The following SV2B variants were observed in gnomAD, a reference collection of about 807,000 sequenced individuals.
SV2B encodes the protein synaptic vesicle glycoprotein 2B.
A neutral mutation model predicts 73.9 loss-of-function variants in SV2B; 41 were observed. The observed-to-expected ratio is 0.56, with a 90% CI of 0.43 to 0.72. The LOEUF is 0.72. SV2B is among the 30% of genes least tolerant of loss of function. The pLI is 0.00. For synonymous variants in SV2B, 314 were observed against 314.2 expected (o/e 1.00, Z 0.01); for missense variants, 764 against 857.8 (o/e 0.89, Z 1.37).
intron 1 of SV2B, among the ~76,000 whole-genome samples, chr15:91,208,053 C>T (rs2045709575): frequency 6.6e-6 from 1 of 152,088 alleles, no homozygotes; most frequent in African/African-American, 2.4e-5. Flanking sequence ...AGAGGCCTTC[C>T]TACTTCTGCT....
At position 91,128,490 on chromosome 15, in the gene SV2B, G is replaced by T. The variant is rs2042551334; in HGVS notation, c.-392+28127G>T. Among the ~76,000 whole-genome samples, 1 of 152,082 alleles carries T rather than the reference G, an allele frequency of 6.6e-6. No individual in the cohort carries two copies. Among genetic ancestry groups the T allele is most frequent in the African/African-American group, 2.4e-5 (1 of 41,396 alleles). ...CAGAAAACAATATCCAAAAATGAAG[G>T]CCTCAGAAGCGAAAGTGTTTTTCTC... On this transcript the variant is annotated intron_variant, in intron 1 of 12. Transcript: ENST00000394232. The surrounding 1 kb of genome is among the most constrained non-coding windows in gnomAD (Gnocchi z 4.2).
At position 91,218,377 on chromosome 15, in the gene SV2B, C is replaced by T. The variant is rs145296082; in HGVS notation, c.-391-7496C>T. Among the ~76,000 whole-genome samples the T allele has an allele frequency of 4.6e-5, 7 of 152,234 alleles. No individual in the cohort carries two copies. In the East Asian group the frequency reaches 1.4e-3, roughly 29 times the overall value. ...TTTATGACCTACTTTAGAGGAAAGTCAGAACACATTTTTACAATCTGCTTC... is the reference window on the plus strand; with the variant it reads ...TTTATGACCTACTTTAGAGGAAAGTTAGAACACATTTTTACAATCTGCTTC... On this transcript the variant is annotated intron_variant, in intron 1 of 12. Coordinates refer to ENST00000394232, the MANE Select transcript of SV2B (RefSeq NM_001323032.3).
At chr15:91,269,140 G>T (rs1468914851) in intron 9 of SV2B, among the ~76,000 whole-genome samples, 2 of 151,866 alleles carry the variant, frequency 1.3e-5, no homozygotes, top group Non-Finnish European at 2.9e-5. Flanking sequence ...GATTAGAAAA[G>T]TCCTGTTCAC....
At position 91,263,427 on chromosome 15, in the gene SV2B, GAC is replaced by G. The variant is rs533926770; in HGVS notation, c.1008+3024_1008+3025del. Among the ~76,000 whole-genome samples the G allele has an allele frequency of 4.7e-4, 71 of 150,948 alleles. 1 individual carries two copies. In the Middle Eastern group the frequency reaches 0.014, roughly 30 times the overall value. On this transcript the variant is annotated intron_variant, in intron 6 of 12. Coordinates refer to ENST00000394232, the MANE Select transcript of SV2B (RefSeq NM_001323032.3). ...AGGAACACAAACACAGAAACACACA[GAC>G]ACACATTAAGACAGACACACAGACA...
chr15:91,130,116 G>A lies in SV2B; in HGVS notation c.-392+29753G>A, dbSNP rs887796708. Among the ~76,000 whole-genome samples, 3 of 152,232 alleles carry A rather than the reference G, an allele frequency of 2.0e-5. No homozygotes were observed. The highest frequency in any genetic ancestry group is 4.4e-5 in the Non-Finnish European group (3 of 68,042). On this transcript the variant is annotated intron_variant, in intron 1 of 12. Coordinates refer to ENST00000394232, the MANE Select transcript of SV2B (RefSeq NM_001323032.3). The surrounding 1 kb of genome is among the most constrained non-coding windows in gnomAD (Gnocchi z 5.6). ...GGCCTGAACCTGAACAGTGGTAGGA[G>A]AAAGGAAAGGAGAGATGGATGAGAT...
At chr15:91,175,402 G>T (rs549810188) in intron 1 of SV2B, among the ~76,000 whole-genome samples, 2 of 152,102 alleles carry the variant, frequency 1.3e-5, no homozygotes, top group East Asian at 3.9e-4. Context: ...CTACAGGCAT[G>T]TGCCATCATG....
At chr15:91,194,862 C>T (rs758285598) in intron 1 of SV2B, among the ~76,000 whole-genome samples, 22 of 152,152 alleles carry the variant, frequency 1.4e-4, no homozygotes, top group Non-Finnish European at 2.9e-4. Flanking sequence ...TAGGGTTGAC[C>T]AATGAAGTGA....
At position 91,280,718 on chromosome 15, in the gene SV2B, G is replaced by A. The variant is rs2048656713; in HGVS notation, c.1374-1010G>A. On this transcript the variant is annotated intron_variant, in intron 9 of 12. Coordinates refer to ENST00000394232, the MANE Select transcript of SV2B (RefSeq NM_001323032.3). This position sits in a 1 kb window ranked among gnomAD's most constrained non-coding sequence, Gnocchi z 5.8. ...GTGGCTGCGCCTCAGAATCGTCTAG[G>A]TGCCTTATTGTCTTTTTAACTGAGT... Among the ~76,000 whole-genome samples, 1 of 152,180 alleles carries A rather than the reference G, an allele frequency of 6.6e-6. No individual in the cohort carries two copies. Among genetic ancestry groups the A allele is most frequent in the Non-Finnish European group, 1.5e-5 (1 of 68,024 alleles).
chr15:91,253,902 C>T lies in SV2B; in HGVS notation c.784+1382C>T, dbSNP rs2047583454. Among the ~76,000 whole-genome samples the T allele has an allele frequency of 6.6e-6, 1 of 152,068 alleles. No individual in the cohort carries two copies. Among genetic ancestry groups the T allele is most frequent in the South Asian group, 2.1e-4 (1 of 4,816 alleles). Reference sequence around the variant, plus strand: ...CATGTTGTCTTTGCCATATCTAGTACTTGAAAATCCACTGGATTTTATATC... The same window carrying T: ...CATGTTGTCTTTGCCATATCTAGTATTTGAAAATCCACTGGATTTTATATC... On this transcript the variant is annotated intron_variant, in intron 4 of 12. Coordinates refer to ENST00000394232, the MANE Select transcript of SV2B (RefSeq NM_001323032.3). The surrounding 1 kb of genome is among the most constrained non-coding windows in gnomAD (Gnocchi z 5.0).
chr15:91,299,258 C>A lies in SV2B; in HGVS notation c.*6706C>A, dbSNP rs2049358377. Reference sequence around the variant, plus strand: ...AAATACTTACAAACATAACTATAAGCAATTGATGAGCAAATTACAAATGAC... The same window carrying A: ...AAATACTTACAAACATAACTATAAGAAATTGATGAGCAAATTACAAATGAC... On this transcript the variant is annotated 3_prime_UTR_variant, in exon 13 of 13. Coordinates refer to ENST00000394232, the MANE Select transcript of SV2B (RefSeq NM_001323032.3). 1 of 152,116 alleles carries A rather than the reference C, an allele frequency of 6.6e-6. No homozygotes were observed. Among genetic ancestry groups the A allele is most frequent in the Non-Finnish European group, 1.5e-5 (1 of 68,018 alleles). The allele number at this position is 152,116 out of a possible 1,614,324, so 9.4% of individuals were successfully genotyped here.
intron 12 of SV2B, among the ~76,000 whole-genome samples, chr15:91,291,855 T>C (rs1340595675): frequency 1.3e-5 from 2 of 152,206 alleles, no homozygotes; most frequent in Admixed American, 1.3e-4. Context: ...CCACTTGCAC[T>C]TACATCCCAT....
In SV2B at chr15:91,239,073, T is replaced by C. The variant is rs2046902778; in HGVS notation, c.451+12359T>C. On this transcript the variant is annotated intron_variant, in intron 2 of 12. Coordinates refer to ENST00000394232, the MANE Select transcript of SV2B (RefSeq NM_001323032.3). This position sits in a 1 kb window ranked among gnomAD's most constrained non-coding sequence, Gnocchi z 5.1. ...AAGAAAGCTGGAAAGTCACAAATATTAGCAGGGATGGAAGAAAGGGGGTGT... is the reference window on the plus strand; with the variant it reads ...AAGAAAGCTGGAAAGTCACAAATATCAGCAGGGATGGAAGAAAGGGGGTGT... 6.6e-6 allele frequency among the ~76,000 whole-genome samples: 1 copy of C among 152,172 alleles called. No homozygotes were observed.
intron 1 of SV2B, among the ~76,000 whole-genome samples, chr15:91,142,613 T>C (rs988275687): frequency 6.6e-6 from 1 of 152,212 alleles, no homozygotes; most frequent in African/African-American, 2.4e-5. Context: ...CTAACATTTA[T>C]TGAATGCCTG....
intron 1 of SV2B, among the ~76,000 whole-genome samples, chr15:91,134,080 C>G (rs1294992802): frequency 6.9e-6 from 1 of 144,486 alleles, no homozygotes; most frequent in Non-Finnish European, 1.5e-5. Flanking sequence ...CTCACTGCAA[C>G]CTCTGCCTCC....
chr15:91,158,735 T>G (rs2043604428), intron 1 of SV2B, among the ~76,000 whole-genome samples: 1 of 104,670 alleles, frequency 9.6e-6, no homozygotes, highest in Non-Finnish European at 2.0e-5. Flanking sequence ...TCTCTTCTCC[T>G]CTTTTTTCTC....
chr15:91,271,069 G>GTCCTGTGGATGATGTTGTGGGTGGTGAA (rs2048299059), intron 9 of SV2B, among the ~76,000 whole-genome samples: 1 of 93,240 alleles, frequency 1.1e-5, no homozygotes, highest in African/African-American at 6.4e-5. Context: ...CAGACGGTAA[G>GTCCTGTGGATGATGTTGTGGGTGGTGAA]TCCTGTGGAT....
At chr15:91,131,260 G>A (rs1041761953) in intron 1 of SV2B, among the ~76,000 whole-genome samples, 3 of 150,824 alleles carry the variant, frequency 2.0e-5, no homozygotes, top group Non-Finnish European at 4.4e-5. Flanking sequence ...AAAGTGTTGG[G>A]AGGTGTGAGC....
At chr15:91,155,096 G>T (rs989875598) in intron 1 of SV2B, among the ~76,000 whole-genome samples, 2 of 152,112 alleles carry the variant, frequency 1.3e-5, no homozygotes, top group South Asian at 4.1e-4. Flanking sequence ...CTGGGACTCT[G>T]ATTCTTCCCA....
chr15:91,259,886 A>G (rs1171364927), intron 5 of SV2B, among the ~76,000 whole-genome samples: 3 of 152,060 alleles, frequency 2.0e-5, no homozygotes, highest in East Asian at 1.9e-4. Flanking sequence ...CCACGACCCT[A>G]TTTCCGAATA....
Sources: gnomAD v4.1 joint callset for allele counts (sites outside exome capture counted in the v4.1 genomes callset) on GRCh38, gnomAD v4.1.1 for gene constraint, Gnocchi (gnomAD v3.1) non-coding constraint, MANE v1.5 for transcripts, NCBI Gene and HGNC (gene_info 2026-07-23, HGNC 2026-07-21) for gene names.